Variants in RPN2 observed in about 807,000 individuals in gnomAD.
RPN2 encodes ribophorin II.
Under a neutral mutation model 71.4 loss-of-function variants are expected in RPN2, and 29 were observed. The observed-to-expected ratio is 0.41, with a 90% CI of 0.30 to 0.55. The LOEUF (loss-of-function observed/expected upper bound fraction) is 0.55, where lower values mean the gene tolerates loss of function less well. RPN2 is among the 20% of genes least tolerant of loss of function. RPN2 has a pLI of 0.35. For synonymous variants in RPN2, 308 were observed against 305.0 expected, an observed-to-expected ratio of 1.01 and a Z score of -0.10; for missense variants, 726 against 774.1, an observed-to-expected ratio of 0.94 and a Z score of 0.74.
chr20:37,236,619 A>T lies in RPN2; in HGVS notation c.1793A>T (p.Asn598Ile). ...ATGTATGTCTACTGGACTCAGCTCA[A>T]CATGTTCCAGACCTTGAAGTACCTG... ...GLMYVYWTQL[N>I]MFQTLKYLAI... Residue 598 changes from asparagine (N) to isoleucine (I), a missense_variant, in exon 16 of 17, where the codon AAC becomes ATC. Transcript: ENST00000237530. The T allele has an allele frequency of 6.2e-7, 1 of 1,614,094 alleles. No homozygotes were observed. The highest frequency in any genetic ancestry group is 8.5e-7 in the Non-Finnish European group (1 of 1,179,944).
rs1346481843 is a variant in RPN2 at position 37,234,034 on chromosome 20, T to G, written c.1692T>G (p.Gly564=). 6.2e-7 allele frequency: 1 copy of G among 1,614,094 alleles called. No individual in the cohort carries two copies. Among genetic ancestry groups the G allele is most frequent in the Non-Finnish European group, 8.5e-7 (1 of 1,180,034 alleles). Residue 564 remains glycine, a synonymous_variant, in exon 15 of 17, where the codon GGT becomes GGG. Coordinates refer to ENST00000237530, the MANE Select transcript of RPN2 (RefSeq NM_002951.5). ...LLLFALWIRI[G]ANVSNFTFAP... is the part of the protein sequence containing the mutation. Reference sequence around the variant, plus strand: ...CCATCATTCAGTGGATCCGGATTGGTGCCAATGTCTCCAACTTCACTTTTG... The same window carrying G: ...CCATCATTCAGTGGATCCGGATTGGGGCCAATGTCTCCAACTTCACTTTTG...
At chr20:37,187,781 C>T (rs140895805) in intron 2 of RPN2, among the ~76,000 whole-genome samples, 3 of 152,088 alleles carry the variant, frequency 2.0e-5, no homozygotes, top group African/African-American at 7.2e-5. Context: ...GCTGGGATTA[C>T]AGACGCGCAC....
chr20:37,190,641 T>C (rs2067119435), intron 2 of RPN2, among the ~76,000 whole-genome samples: 1 of 152,196 alleles, frequency 6.6e-6, no homozygotes, highest in African/African-American at 2.4e-5. Context: ...CATTTTTTTT[T>C]CAGACTGTCA....
At chr20:37,216,114 G>A (rs929430646) in intron 9 of RPN2, among the ~76,000 whole-genome samples, 15 of 152,118 alleles carry the variant, frequency 9.9e-5, no homozygotes, top group Non-Finnish European at 1.6e-4. Flanking sequence ...CAAGGCAGGC[G>A]GATCACCTGA....
At chr20:37,240,687 G>A (rs1279601178) in intron 16 of RPN2, among the ~76,000 whole-genome samples, 1 of 152,212 alleles carries the variant, frequency 6.6e-6, no homozygotes, top group South Asian at 2.1e-4. Flanking sequence ...GAAAGGCAGC[G>A]GAGGGGAAAC....
At position 37,228,624 on chromosome 20, in the gene RPN2, G is replaced by T. The variant is rs1490272715; in HGVS notation, c.1374G>T (p.Val458=). The change falls in exon 12 of 17, where the codon GTG becomes GTT. Residue 458 remains valine (V), a synonymous_variant. Coordinates refer to ENST00000237530, the MANE Select transcript of RPN2 (RefSeq NM_002951.5). Reference sequence around the variant, plus strand: ...TTGCCGAGCCAGACAACAAGAACGTGTACAAGTTTGAACTGGATACCTCTG... The same window carrying T: ...TTGCCGAGCCAGACAACAAGAACGTTTACAAGTTTGAACTGGATACCTCTG... The part of the protein sequence containing the change: ...VFVAEPDNKN[V]YKFELDTSER... 6.2e-7 allele frequency: 1 copy of T among 1,614,254 alleles called. No homozygotes were observed. Among genetic ancestry groups the T allele is most frequent in the Non-Finnish European group, 8.5e-7 (1 of 1,180,044 alleles).
chr20:37,182,086 TTTTA>T (rs1326895031), intron 1 of RPN2, among the ~76,000 whole-genome samples: 3 of 151,874 alleles, frequency 2.0e-5, no homozygotes, highest in South Asian at 2.1e-4. Context: ...TTTAATTTAA[TTTTA>T]TTTATTTATT....
intron 11 of RPN2, 23 bp from the exon 12 acceptor site, chr20:37,228,527 G>A: frequency 2.5e-6 from 4 of 1,607,244 alleles, no homozygotes; most frequent in Non-Finnish European, 3.4e-6. Flanking sequence ...TCAGATGAAA[G>A]ATTGTATTAT....
chr20:37,220,790 A>G (rs2067935393), intron 9 of RPN2, among the ~76,000 whole-genome samples: 1 of 152,244 alleles, frequency 6.6e-6, no homozygotes, highest in African/African-American at 2.4e-5. Context: ...TTAAAAGAGT[A>G]GCATAAAAAT....
intron 3 of RPN2, among the ~76,000 whole-genome samples, chr20:37,198,764 C>T (rs528142188): frequency 2.0e-5 from 3 of 152,066 alleles, no homozygotes; most frequent in South Asian, 2.1e-4. Flanking sequence ...GCCTTTAACA[C>T]GTAAAAATGT....
At chr20:37,209,404 C>T (rs1336366895) in intron 7 of RPN2, among the ~76,000 whole-genome samples, 1 of 152,120 alleles carries the variant, frequency 6.6e-6, no homozygotes, top group Non-Finnish European at 1.5e-5. Context: ...AGTGATCCTC[C>T]CATCTCGGCC....
intron 16 of RPN2, chr20:37,238,670 G>A: frequency 2.7e-6 from 2 of 738,846 alleles, no homozygotes; most frequent in South Asian, 2.7e-5. Context: ...GGATAACTTT[G>A]CAGTGAGCAG....
At chr20:37,235,691 C>T (rs143548587) in intron 15 of RPN2, among the ~76,000 whole-genome samples, 184 of 152,266 alleles carry the variant, frequency 1.2e-3, no homozygotes, top group African/African-American at 4.3e-3. Flanking sequence ...CTCTGTCTCG[C>T]CCAGGCTGGA....
At chr20:37,181,358 C>T (rs1216379325) in intron 1 of RPN2, among the ~76,000 whole-genome samples, 1 of 152,054 alleles carries the variant, frequency 6.6e-6, no homozygotes, top group Non-Finnish European at 1.5e-5. Context: ...GCTGTACTGT[C>T]CTTGCTGATC....
chr20:37,184,457 C>T, intron 2 of RPN2, 84 bp downstream of exon 2: 1 of 1,169,890 alleles, frequency 8.5e-7, no homozygotes, highest in Admixed American at 1.9e-5. Context: ...TAGTTCAAAA[C>T]TAACTCTTGC....
At chr20:37,229,903 G>T in intron 12 of RPN2, 70 bp from the exon 13 acceptor site, 1 of 1,162,522 alleles carries the variant, frequency 8.6e-7, no homozygotes, top group Admixed American at 1.7e-5. Context: ...GTGAGTCAGA[G>T]AATATTATCT....
At chr20:37,192,265 A>T (rs1483111874) in intron 2 of RPN2, among the ~76,000 whole-genome samples, 1 of 152,230 alleles carries the variant, frequency 6.6e-6, no homozygotes, top group African/African-American at 2.4e-5. Context: ...ATTCCTGGGG[A>T]TAGCAGAGAA....
At chr20:37,229,551 G>A (rs1358501402) in intron 12 of RPN2, among the ~76,000 whole-genome samples, 1 of 152,174 alleles carries the variant, frequency 6.6e-6, no homozygotes, top group Non-Finnish European at 1.5e-5. Flanking sequence ...TTTCTCGTGT[G>A]GTATTCAAGA....
intron 4 of RPN2, chr20:37,200,363 T>G (rs2067357038): frequency 2.2e-6 from 1 of 452,034 alleles, no homozygotes; most frequent in Non-Finnish European, 4.5e-6. Context: ...AATTTTTTTT[T>G]TTTTAACACT....
Sources: gnomAD v4.1 joint callset for allele counts (sites outside exome capture counted in the v4.1 genomes callset) on GRCh38, gnomAD v4.1.1 for gene constraint, MANE v1.5 for transcripts, NCBI Gene and HGNC (gene_info 2026-07-23, HGNC 2026-07-21) for gene names.